The following CFAP299 variants were observed in gnomAD, a reference collection of about 807,000 sequenced individuals.
CFAP299 encodes cilia and flagella associated protein 299.
A neutral mutation model predicts 27.0 loss-of-function variants in CFAP299; 21 were observed. That is an observed-to-expected ratio of 0.78 (90% CI 0.55 to 1.12). The LOEUF (loss-of-function observed/expected upper bound fraction) is 1.12, where lower values mean the gene tolerates loss of function less well. CFAP299 is among the 50% of genes most tolerant of loss of function. The probability of loss-of-function intolerance (pLI) is 0.00; values close to 1 mark genes in which losing one functional copy is unlikely to be tolerated. For synonymous variants in CFAP299, 104 were observed against 98.1 expected (o/e 1.06, Z -0.36); for missense variants, 310 against 276.6 (o/e 1.12, Z -0.86).
intron 4 of CFAP299, among the ~76,000 whole-genome samples, chr4:80,916,717 A>T (rs1240508407): frequency 6.6e-6 from 1 of 152,098 alleles, no homozygotes; most frequent in Non-Finnish European, 1.5e-5. Context: ...AAACAGAACA[A>T]TTATTGCAGG....
At chr4:80,661,920 G>A (rs1740871065) in intron 3 of CFAP299, among the ~76,000 whole-genome samples, 1 of 152,152 alleles carries the variant, frequency 6.6e-6, no homozygotes, top group African/African-American at 2.4e-5. Flanking sequence ...TACAGTTGTG[G>A]ATAAGGGATA....
chr4:80,521,769 A>G (rs562814381), intron 2 of CFAP299, among the ~76,000 whole-genome samples: 1 of 151,572 alleles, frequency 6.6e-6, no homozygotes, highest in Non-Finnish European at 1.5e-5. Context: ...GTTCATCCAT[A>G]TTGTAGCACA....
chr4:80,401,316 C>G (rs1432601793), intron 2 of CFAP299, among the ~76,000 whole-genome samples: 1 of 152,142 alleles, frequency 6.6e-6, no homozygotes, highest in Non-Finnish European at 1.5e-5. Context: ...TCACAGCAGC[C>G]CCTCCCATCA....
chr4:80,816,038 C>A (rs1208159440), intron 3 of CFAP299, among the ~76,000 whole-genome samples: 1 of 151,728 alleles, frequency 6.6e-6, no homozygotes. Context: ...AAAAAGAAAA[C>A]TATTACATAT....
chr4:80,436,138 T>G (rs145512209), intron 2 of CFAP299, among the ~76,000 whole-genome samples: 123 of 152,228 alleles, frequency 8.1e-4, no homozygotes, highest in African/African-American at 2.8e-3. Flanking sequence ...AAATTTCCAT[T>G]CTCTCCTGCT....
In CFAP299 at chr4:80,373,904, C is replaced by T. The variant is rs916048379; in HGVS notation, c.242+11020C>T. Among the ~76,000 whole-genome samples the T allele has an allele frequency of 5.3e-5, 8 of 152,206 alleles. No individual in the cohort carries two copies. In the South Asian group the frequency reaches 1.5e-3, roughly 28 times the overall value. On this transcript the variant is annotated intron_variant, in intron 2 of 5. Coordinates refer to ENST00000358105, the MANE Select transcript of CFAP299 (RefSeq NM_152770.3). ...ACTAGCACATTTTTTATGCTATTAACGACTGGCTATCTTCTGGGTTCTTCT... is the reference window on the plus strand; with the variant it reads ...ACTAGCACATTTTTTATGCTATTAATGACTGGCTATCTTCTGGGTTCTTCT...
chr4:80,759,201 G>A (rs181780679), intron 3 of CFAP299, among the ~76,000 whole-genome samples: 6 of 151,938 alleles, frequency 3.9e-5, no homozygotes, highest in Admixed American at 2.0e-4. Context: ...TATCTCTTAT[G>A]TACTGACACT....
At chr4:80,685,940 A>G (rs1198411016) in intron 3 of CFAP299, among the ~76,000 whole-genome samples, 1 of 152,202 alleles carries the variant, frequency 6.6e-6, no homozygotes, top group East Asian at 1.9e-4. Context: ...TACATAGTGT[A>G]TCTGGCACAA....
chr4:80,712,007 A>G lies in CFAP299; in HGVS notation c.333+128824A>G, dbSNP rs1338508684. Among the ~76,000 whole-genome samples, 3 of 152,136 alleles carry G rather than the reference A, an allele frequency of 2.0e-5. No homozygotes were observed. The South Asian group carries it at 6.2e-4, about 32-fold the overall frequency. On this transcript the variant is annotated intron_variant, in intron 3 of 5. Coordinates refer to ENST00000358105, the MANE Select transcript of CFAP299 (RefSeq NM_152770.3). Reference sequence around the variant, plus strand: ...GGAGTCTCCTTCCTGGTTACTTTCTAATGTTAGCTGCTAGGAGGCAATACT... The same window carrying G: ...GGAGTCTCCTTCCTGGTTACTTTCTGATGTTAGCTGCTAGGAGGCAATACT...
chr4:80,736,692 G>T lies in CFAP299; in HGVS notation c.334-133301G>T, dbSNP rs1723901400. Among the ~76,000 whole-genome samples, 3 of 152,156 alleles carry T rather than the reference G, an allele frequency of 2.0e-5. No individual in the cohort carries two copies. In the South Asian group the frequency reaches 6.2e-4, roughly 32 times the overall value. On this transcript the variant is annotated intron_variant, in intron 3 of 5. Coordinates refer to ENST00000358105, the MANE Select transcript of CFAP299 (RefSeq NM_152770.3). Reference sequence around the variant, plus strand: ...GTGCTGGAGAGGATGTGGAGAAATAGGAACACTTTTACACTGTTGGTGGGA... The same window carrying T: ...GTGCTGGAGAGGATGTGGAGAAATATGAACACTTTTACACTGTTGGTGGGA...
chr4:80,821,996 G>A (rs1367774328), intron 3 of CFAP299, among the ~76,000 whole-genome samples: 8 of 152,022 alleles, frequency 5.3e-5, no homozygotes, highest in South Asian at 2.1e-4. Context: ...AAAAAGAACC[G>A]CTGACGATGG....
chr4:80,550,787 A>G (rs1029115415), intron 2 of CFAP299, among the ~76,000 whole-genome samples: 11 of 151,530 alleles, frequency 7.3e-5, no homozygotes, highest in East Asian at 1.9e-4. Flanking sequence ...ACACACACGC[A>G]CACACACACA....
At chr4:80,856,495 T>C (rs1474819440) in intron 3 of CFAP299, among the ~76,000 whole-genome samples, 2 of 152,088 alleles carry the variant, frequency 1.3e-5, no homozygotes, top group Non-Finnish European at 2.9e-5. Context: ...ATGTCCTGAA[T>C]GGTAATGCCT....
At chr4:80,725,601 T>C (rs1376252793) in intron 3 of CFAP299, among the ~76,000 whole-genome samples, 1 of 152,214 alleles carries the variant, frequency 6.6e-6, no homozygotes, top group Non-Finnish European at 1.5e-5. Context: ...ATTCTTTCTC[T>C]TCACAGGTCA....
chr4:80,799,918 AT>A (rs1205684296), intron 3 of CFAP299, among the ~76,000 whole-genome samples: 15 of 43,408 alleles, frequency 3.5e-4, no homozygotes, highest in African/African-American at 1.5e-3. Flanking sequence ...ATAATATATA[AT>A]ATATATATTT....
intron 2 of CFAP299, among the ~76,000 whole-genome samples, chr4:80,505,190 G>A (rs1731960468): frequency 6.6e-6 from 1 of 151,742 alleles, no homozygotes; most frequent in Non-Finnish European, 1.5e-5. Flanking sequence ...CACTTTACCT[G>A]TGTTACAAAT....
chr4:80,928,046 G>T (rs996201266), intron 4 of CFAP299, among the ~76,000 whole-genome samples: 3 of 152,004 alleles, frequency 2.0e-5, no homozygotes, highest in Non-Finnish European at 4.4e-5. Context: ...TTAATGACCT[G>T]GTGCTCCACT....
rs527953313 is a variant in CFAP299 at position 80,433,630 on chromosome 4, A to AT, written c.242+70754dup. ...AGCAAATAATTATAGGTCACATGTA[A>AT]TTTTTTTTGCTAAAATCTTAAGTAT... is the stretch of plus-strand genomic sequence containing the variant. On this transcript the variant is annotated intron_variant, in intron 2 of 5. Transcript: ENST00000358105. 2.4e-4 allele frequency among the ~76,000 whole-genome samples: 36 copies of AT among 151,958 alleles called. No homozygotes were observed. In the South Asian group the frequency reaches 5.6e-3, roughly 24 times the overall value.
chr4:80,347,770 A>C (rs978265462), intron 1 of CFAP299, among the ~76,000 whole-genome samples: 1 of 152,162 alleles, frequency 6.6e-6, no homozygotes, highest in African/African-American at 2.4e-5. Context: ...TCACAGAATT[A>C]AAAGAAACTA....
Sources: allele counts gnomAD v4.1 joint callset (sites outside exome capture counted in the v4.1 genomes callset), GRCh38; gene constraint gnomAD v4.1.1; transcripts MANE v1.5; gene names NCBI Gene and HGNC (gene_info 2026-07-23, HGNC 2026-07-21).